Variants in ATE1 observed in about 807,000 individuals in gnomAD.
ATE1 encodes the protein arginyl-tRNA--protein transferase 1.
Under a neutral mutation model 70.5 loss-of-function variants are expected in ATE1, and 36 were observed. The observed-to-expected ratio is 0.51, with a 90% CI of 0.39 to 0.67. ATE1 has a LOEUF of 0.67. Ranked by LOEUF, ATE1 falls within the 30% of genes least tolerant of loss-of-function variation. ATE1 has a pLI of 0.00. For synonymous variants in ATE1, 232 were observed against 219.3 expected (o/e 1.06, Z -0.51); for missense variants, 593 against 629.5 (o/e 0.94, Z 0.62).
chr10:121,919,660 A>C (rs1951802149), intron 3 of ATE1, among the ~76,000 whole-genome samples: 1 of 151,912 alleles, frequency 6.6e-6, no homozygotes, highest in Non-Finnish European at 1.5e-5. Context: ...TCACGCCTGA[A>C]ATCCCAGCAC....
intron 8 of ATE1, among the ~76,000 whole-genome samples, chr10:121,857,665 C>T (rs1167863385): frequency 6.6e-6 from 1 of 152,200 alleles, no homozygotes; most frequent in Non-Finnish European, 1.5e-5. Context: ...TTCATCATAG[C>T]TCTATTCACA....
In ATE1 at chr10:121,922,396, C is replaced by T. The variant is rs764780205; in HGVS notation, c.186G>A (p.Val62=). 4.1e-5 allele frequency: 66 copies of T among 1,598,904 alleles called. No homozygotes were observed. Among genetic ancestry groups the T allele is most frequent in the Non-Finnish European group, 5.4e-5 (63 of 1,168,494 alleles). Residue 62 remains valine (V), a synonymous_variant, in exon 3 of 12, where the codon GTG becomes GTA. Coordinates refer to ENST00000224652, the MANE Select transcript of ATE1 (RefSeq NM_001001976.3). ...DRGWRRSGKY[V]YKPVMNQTCC... ...ATGTTTGATTCATGACAGGTTTGTA[C>T]ACATATTTTCCACTTCTAAAATTAT...
At chr10:121,843,230 T>TTA (rs1948696511) in intron 8 of ATE1, among the ~76,000 whole-genome samples, 1 of 152,164 alleles carries the variant, frequency 6.6e-6, no homozygotes, top group Non-Finnish European at 1.5e-5. Flanking sequence ...AATGAAATGT[T>TTA]TAGTTATAAA....
At chr10:121,814,082 A>T (rs950996968) in intron 10 of ATE1, among the ~76,000 whole-genome samples, 2 of 152,230 alleles carry the variant, frequency 1.3e-5, no homozygotes, top group Non-Finnish European at 2.9e-5. Flanking sequence ...AACAGAAAAA[A>T]ATGGGAGGAT....
chr10:121,745,032 A>G (rs914997045), intron 11 of ATE1, among the ~76,000 whole-genome samples: 6 of 152,202 alleles, frequency 3.9e-5, no homozygotes, highest in African/African-American at 1.4e-4. Flanking sequence ...AACAAAAGCT[A>G]GAAGGGACCT....
At chr10:121,922,443 T>C in intron 2 of ATE1, 32 bp from the exon 3 acceptor site, 1 of 1,416,332 alleles carries the variant, frequency 7.1e-7, no homozygotes, top group Non-Finnish European at 9.8e-7. Flanking sequence ...GTTAATGTCT[T>C]ATATATTTTT....
At chr10:121,925,352 G>A (rs1217364201) in intron 1 of ATE1, among the ~76,000 whole-genome samples, 6 of 151,724 alleles carry the variant, frequency 4.0e-5, no homozygotes, top group East Asian at 1.9e-4. Context: ...CCCAGGAGGC[G>A]GAGGTTGCAG....
chr10:121,902,727 G>T, intron 5 of ATE1, 107 bp from the exon 6 acceptor site: 1 of 1,118,358 alleles, frequency 8.9e-7, no homozygotes, highest in Non-Finnish European at 1.3e-6. Flanking sequence ...TCAATGGTTA[G>T]GCTAGCTTTG....
At position 121,847,402 on chromosome 10, in the gene ATE1, C is replaced by A. The variant is rs563100351; in HGVS notation, c.976-6139G>T. Among the ~76,000 whole-genome samples, 12 of 151,902 alleles carry A rather than the reference C, an allele frequency of 7.9e-5. 1 individual carries two copies. The highest frequency in any genetic ancestry group is 2.9e-4 in the African/African-American group (12 of 41,420). ...GGCGGAGGTTGCAGTGAGCTGAGAT[C>A]GCGCCACTGCACTCCAGCCTGGGTA... On this transcript the variant is annotated intron_variant, in intron 8 of 11. Transcript: ENST00000224652.
chr10:121,836,867 T>C (rs1349918504), intron 9 of ATE1, 50 bp from the exon 10 acceptor site: 7 of 1,122,242 alleles, frequency 6.2e-6, no homozygotes, highest in Admixed American at 4.0e-5. Flanking sequence ...CTGGTTCTAA[T>C]GTACAAATAT....
intron 11 of ATE1, among the ~76,000 whole-genome samples, chr10:121,762,374 T>C (rs1239811427): frequency 1.3e-5 from 2 of 152,036 alleles, no homozygotes; most frequent in Non-Finnish European, 2.9e-5. Context: ...TCAATGACCA[T>C]GTTTAAGTCT....
intron 11 of ATE1, among the ~76,000 whole-genome samples, chr10:121,772,043 C>G (rs1945540692): frequency 6.6e-6 from 1 of 152,156 alleles, no homozygotes; most frequent in Non-Finnish European, 1.5e-5. Flanking sequence ...GACAGCCTTC[C>G]CAACATGACA....
intron 11 of ATE1, among the ~76,000 whole-genome samples, chr10:121,761,574 T>C (rs924278590): frequency 9.9e-5 from 15 of 152,196 alleles, no homozygotes; most frequent in African/African-American, 3.4e-4. Flanking sequence ...ACTTGCTTTA[T>C]AGCAGTGATC....
intron 11 of ATE1, among the ~76,000 whole-genome samples, chr10:121,750,151 T>C (rs1944523428): frequency 6.6e-6 from 1 of 152,210 alleles, no homozygotes; most frequent in South Asian, 2.1e-4. Flanking sequence ...CCCTTTATAA[T>C]CATCTTTTCT....
chr10:121,768,225 C>T (rs575549501), intron 11 of ATE1, among the ~76,000 whole-genome samples: 158 of 152,186 alleles, frequency 1.0e-3, no homozygotes, highest in African/African-American at 3.4e-3. Context: ...TAATCAGTCA[C>T]AGAGTTTGTT....
chr10:121,922,515 T>C (rs1564970802), intron 2 of ATE1, 104 bp from the exon 3 acceptor site: 2 of 696,704 alleles, frequency 2.9e-6, no homozygotes, highest in Non-Finnish European at 5.0e-6. Context: ...CTAATCAACA[T>C]TGTAGAAATG....
intron 10 of ATE1, among the ~76,000 whole-genome samples, chr10:121,830,786 A>G (rs1948205570): frequency 6.6e-6 from 1 of 152,206 alleles, no homozygotes; most frequent in Non-Finnish European, 1.5e-5. Context: ...AATATTCAAA[A>G]TTCTATCATT....
intron 1 of ATE1, among the ~76,000 whole-genome samples, chr10:121,926,086 G>A (rs1023097392): frequency 2.0e-5 from 3 of 152,068 alleles, no homozygotes; most frequent in Non-Finnish European, 4.4e-5. Context: ...GCGGGCACCT[G>A]TAATCACAGC....
chr10:121,774,282 T>G (rs1054164165), intron 11 of ATE1, among the ~76,000 whole-genome samples: 2 of 152,190 alleles, frequency 1.3e-5, no homozygotes, highest in African/African-American at 4.8e-5. Context: ...TTATGCAAAT[T>G]TGGTAAGCGA....
Sources: gnomAD v4.1 joint callset for allele counts (sites outside exome capture counted in the v4.1 genomes callset) on GRCh38, gnomAD v4.1.1 for gene constraint, MANE v1.5 for transcripts, NCBI Gene and HGNC (gene_info 2026-07-23, HGNC 2026-07-21) for gene names.